The following RBMS3 variants were observed in gnomAD, a reference collection of about 807,000 sequenced individuals.
RBMS3 encodes RNA-binding motif, single-stranded-interacting protein 3.
A neutral mutation model predicts 66.8 loss-of-function variants in RBMS3; 27 were observed. The observed-to-expected ratio is 0.40, with a 90% CI of 0.30 to 0.56. The LOEUF (loss-of-function observed/expected upper bound fraction) is 0.56. RBMS3 is among the 20% of genes least tolerant of loss of function. RBMS3 has a pLI of 0.40. For missense variants in RBMS3, 513 were observed against 549.5 expected, an observed-to-expected ratio of 0.93 and a Z score of 0.66; for synonymous variants, 188 against 183.0, an observed-to-expected ratio of 1.03 and a Z score of -0.22.
At chr3:29,438,167 T>C (rs917795065) in intron 2 of RBMS3, among the ~76,000 whole-genome samples, 1 of 152,126 alleles carries the variant, frequency 6.6e-6, no homozygotes, top group Non-Finnish European at 1.5e-5. Context: ...TTTAAAATAA[T>C]TTCACTCACA....
intron 12 of RBMS3, among the ~76,000 whole-genome samples, chr3:29,975,959 G>A (rs1697552895): frequency 6.6e-6 from 1 of 151,692 alleles, no homozygotes; most frequent in African/African-American, 2.4e-5. Context: ...TGAGGAATGT[G>A]GCATATCTCT....
rs556317828 is a variant in RBMS3 at position 29,448,146 on chromosome 3, C to T, written c.248+13231C>T. Among the ~76,000 whole-genome samples the T allele has an allele frequency of 5.9e-5, 9 of 152,334 alleles. No individual in the cohort carries two copies. In the East Asian group the frequency reaches 1.5e-3, roughly 26 times the overall value. On this transcript the variant is annotated intron_variant, in intron 2 of 14. Coordinates refer to ENST00000383767, the MANE Select transcript of RBMS3 (RefSeq NM_001003793.3). Reference sequence around the variant, plus strand: ...GCAATTGCACAGTGAACTCTCTGATCGCTACAACCACCTGCGTGTTTTATT... The same window carrying T: ...GCAATTGCACAGTGAACTCTCTGATTGCTACAACCACCTGCGTGTTTTATT...
chr3:29,793,163 G>A (rs984640025), intron 6 of RBMS3, among the ~76,000 whole-genome samples: 2 of 151,808 alleles, frequency 1.3e-5, no homozygotes, highest in Non-Finnish European at 2.9e-5. Flanking sequence ...CCCGGGAGGT[G>A]GAGGTTGCAG....
At chr3:29,895,388 G>A (rs566743792) in intron 8 of RBMS3, among the ~76,000 whole-genome samples, 119 of 151,384 alleles carry the variant, frequency 7.9e-4, no homozygotes, top group Non-Finnish European at 1.0e-3. Flanking sequence ...ATGTAGAACA[G>A]GTATCTCCCC....
chr3:29,318,156 G>A (rs1559483766), intron 1 of RBMS3, among the ~76,000 whole-genome samples: 1 of 151,922 alleles, frequency 6.6e-6, no homozygotes. Flanking sequence ...GAAAAAGCAG[G>A]CATTTGTAAC....
At chr3:29,813,696 A>T (rs1182968432) in intron 6 of RBMS3, among the ~76,000 whole-genome samples, 1 of 152,058 alleles carries the variant, frequency 6.6e-6, no homozygotes, top group Non-Finnish European at 1.5e-5. Context: ...GGTCCTTCAC[A>T]TCCCTTATAA....
Position 29,871,998 on chromosome 3 carries a change from T to C in RBMS3, c.744+3034T>C, listed in dbSNP as rs1577042744. Among the ~76,000 whole-genome samples, 4 of 124,068 alleles carry C rather than the reference T, an allele frequency of 3.2e-5. No homozygotes were observed. In the South Asian group the frequency reaches 1.2e-3, roughly 37 times the overall value. 81.4% of individuals were successfully genotyped at this position (124,068 alleles called of 152,430 possible). ...ATATAAATATATGCTAGTGGCCATG[T>C]TCTACATAAGTGAAAAATGCAGGAA... On this transcript the variant is annotated intron_variant, in intron 7 of 14. Transcript: ENST00000383767.
At chr3:29,794,512 G>A (rs2149432518) in intron 6 of RBMS3, among the ~76,000 whole-genome samples, 1 of 152,276 alleles carries the variant, frequency 6.6e-6, no homozygotes, top group Non-Finnish European at 1.5e-5. Context: ...CGTGAACCCG[G>A]GAGGCTGAGC....
At chr3:29,559,336 C>T (rs766985063) in intron 3 of RBMS3, among the ~76,000 whole-genome samples, 10 of 151,628 alleles carry the variant, frequency 6.6e-5, no homozygotes, top group African/African-American at 9.7e-5. Context: ...TCTGTTATTG[C>T]ACCATAAAAG....
chr3:29,815,470 G>C (rs986651449), intron 6 of RBMS3, among the ~76,000 whole-genome samples: 1 of 152,094 alleles, frequency 6.6e-6, no homozygotes, highest in Non-Finnish European at 1.5e-5. Flanking sequence ...CTGGTTAGAA[G>C]TTGAAGGCAA....
chr3:29,509,516 G>A (rs963594590), intron 3 of RBMS3, among the ~76,000 whole-genome samples: 1 of 152,066 alleles, frequency 6.6e-6, no homozygotes, highest in Admixed American at 6.6e-5. Flanking sequence ...AGCAGATTTG[G>A]GATATAAATT....
At chr3:29,992,099 T>C (rs1180232457) in intron 14 of RBMS3, among the ~76,000 whole-genome samples, 1 of 152,118 alleles carries the variant, frequency 6.6e-6, no homozygotes, top group African/African-American at 2.4e-5. Flanking sequence ...CTATTCAACT[T>C]TGTAGATAGC....
At chr3:29,727,455 G>C (rs1039354858) in intron 4 of RBMS3, among the ~76,000 whole-genome samples, 8 of 152,044 alleles carry the variant, frequency 5.3e-5, no homozygotes, top group Admixed American at 2.0e-4. Context: ...GAAAATTTTT[G>C]CAATCTACCT....
chr3:29,544,926 G>A (rs1340132008), intron 3 of RBMS3, among the ~76,000 whole-genome samples: 1 of 152,124 alleles, frequency 6.6e-6, no homozygotes, highest in Non-Finnish European at 1.5e-5. Context: ...CCTTTGGATA[G>A]GCAATATTGA....
chr3:29,445,848 G>A (rs2041812129), intron 2 of RBMS3, among the ~76,000 whole-genome samples: 5 of 152,030 alleles, frequency 3.3e-5, no homozygotes, highest in Admixed American at 3.3e-4. Flanking sequence ...TGAGAAACAA[G>A]CACTTTGTTT....
intron 6 of RBMS3, among the ~76,000 whole-genome samples, chr3:29,793,008 G>A (rs2057062801): frequency 6.6e-6 from 1 of 152,082 alleles, no homozygotes; most frequent in African/African-American, 2.4e-5. Flanking sequence ...GGAGGCCAAG[G>A]GGGTGGATCA....
intron 4 of RBMS3, among the ~76,000 whole-genome samples, chr3:29,610,829 A>G (rs2048466718): frequency 1.3e-5 from 2 of 152,102 alleles, no homozygotes; most frequent in South Asian, 2.1e-4. Flanking sequence ...GCATTCTGGT[A>G]TAATTTTACA....
At chr3:29,443,786 G>A (rs536723838) in intron 2 of RBMS3, among the ~76,000 whole-genome samples, 2 of 152,216 alleles carry the variant, frequency 1.3e-5, no homozygotes, top group East Asian at 1.9e-4. Context: ...GGTTAAGTGG[G>A]ATGAATTTGG....
chr3:29,844,269 GTGCCTATAATC>G (rs1156781669), intron 6 of RBMS3, among the ~76,000 whole-genome samples: 1 of 151,862 alleles, frequency 6.6e-6, no homozygotes, highest in South Asian at 2.1e-4. Context: ...TGTTTTGTTT[GTGCCTATAATC>G]TGTTCCCATG....
Sources: allele counts gnomAD v4.1 joint callset (sites outside exome capture counted in the v4.1 genomes callset), GRCh38; gene constraint gnomAD v4.1.1; transcripts MANE v1.5; gene names NCBI Gene and HGNC (gene_info 2026-07-23, HGNC 2026-07-21).